Variants in ARL15 observed in about 807,000 individuals in gnomAD.
The protein encoded by ARL15 is ADP-ribosylation factor-like protein 15.
In ARL15, 19 loss-of-function variants were observed where a neutral mutation model predicts 25.2. That is an observed-to-expected ratio of 0.75 (90% CI 0.53 to 1.10). ARL15 has a LOEUF of 1.10. ARL15 is among the 50% of genes least tolerant of loss of function. The probability of loss-of-function intolerance (pLI) is 0.00; values close to 1 mark genes in which losing one functional copy is unlikely to be tolerated. For missense variants in ARL15, 220 were observed against 246.0 expected (o/e 0.89, Z 0.71); for synonymous variants, 94 against 86.8 (o/e 1.08, Z -0.46).
chr5:53,971,562 A>C (rs1161537068), intron 4 of ARL15, among the ~76,000 whole-genome samples: 2 of 152,142 alleles, frequency 1.3e-5, no homozygotes, highest in African/African-American at 4.8e-5. Flanking sequence ...ATTTACACAC[A>C]GCTATTTCTT....
At chr5:54,086,845 T>C (rs1234749427) in intron 4 of ARL15, among the ~76,000 whole-genome samples, 1 of 152,206 alleles carries the variant, frequency 6.6e-6, no homozygotes, top group Non-Finnish European at 1.5e-5. Flanking sequence ...CTCTAGGCGG[T>C]TGACTTAATG....
chr5:53,894,162 T>C (rs113052100), intron 4 of ARL15, among the ~76,000 whole-genome samples: 4 of 152,234 alleles, frequency 2.6e-5, no homozygotes, highest in African/African-American at 9.6e-5. Context: ...ATAGTTCTCA[T>C]AAGATGCTTC....
chr5:54,097,527 T>C (rs1271054526), intron 4 of ARL15, among the ~76,000 whole-genome samples: 2 of 152,212 alleles, frequency 1.3e-5, no homozygotes, highest in Non-Finnish European at 1.5e-5. Flanking sequence ...GGTAGTCAAA[T>C]ACAAGCATAA....
intron 3 of ARL15, among the ~76,000 whole-genome samples, chr5:54,123,190 A>T (rs1753142304): frequency 6.6e-6 from 1 of 151,332 alleles, no homozygotes; most frequent in Non-Finnish European, 1.5e-5. Flanking sequence ...GCTCACTGCA[A>T]CCTCTGCCTC....
At chr5:53,977,811 G>A (rs1747989300) in intron 4 of ARL15, among the ~76,000 whole-genome samples, 1 of 152,122 alleles carries the variant, frequency 6.6e-6, no homozygotes, top group Non-Finnish European at 1.5e-5. Flanking sequence ...TGCTTCCACT[G>A]GTACCCTGTA....
intron 3 of ARL15, among the ~76,000 whole-genome samples, chr5:54,143,913 G>C (rs554123480): frequency 6.6e-6 from 1 of 151,676 alleles, no homozygotes; most frequent in African/African-American, 2.4e-5. Flanking sequence ...ATTCTTAATT[G>C]CCTTTAAGAC....
chr5:53,981,227 A>C (rs1228674166), intron 4 of ARL15, among the ~76,000 whole-genome samples: 1 of 152,246 alleles, frequency 6.6e-6, no homozygotes, highest in Non-Finnish European at 1.5e-5. Context: ...ATTTTTAAAC[A>C]GGGTAGTGAA....
chr5:53,888,659 T>G (rs930767985), intron 4 of ARL15, among the ~76,000 whole-genome samples: 1 of 152,218 alleles, frequency 6.6e-6, no homozygotes, highest in Non-Finnish European at 1.5e-5. Context: ...TGAAAACTAT[T>G]GACATCCAAG....
chr5:54,298,891 T>TG (rs931467218), intron 1 of ARL15, among the ~76,000 whole-genome samples: 18 of 59,466 alleles, frequency 3.0e-4, no homozygotes, highest in South Asian at 7.2e-4. Context: ...GTTGGTTTTT[T>TG]GGTTTTTTTT....
chr5:54,251,282 CAAAG>C (rs1332165204), intron 1 of ARL15, among the ~76,000 whole-genome samples: 1 of 152,110 alleles, frequency 6.6e-6, no homozygotes, highest in Non-Finnish European at 1.5e-5. Flanking sequence ...AACTTTAGTG[CAAAG>C]AAAGAGATAC....
At chr5:54,221,825 GCACA>G (rs3035310) in intron 1 of ARL15, among the ~76,000 whole-genome samples, 10,007 of 141,874 alleles carry the variant, frequency 0.071, 399 homozygotes, top group East Asian at 0.1. Context: ...CAAGAAACAT[GCACA>G]CACACACACA....
chr5:54,109,689 A>G (rs1752688072), intron 4 of ARL15, among the ~76,000 whole-genome samples: 1 of 151,994 alleles, frequency 6.6e-6, no homozygotes, highest in Non-Finnish European at 1.5e-5. Flanking sequence ...TTTACCCTTA[A>G]GATTTCTCTC....
chr5:53,966,001 C>T (rs1747548510), intron 4 of ARL15, among the ~76,000 whole-genome samples: 1 of 152,110 alleles, frequency 6.6e-6, no homozygotes, highest in Middle Eastern at 3.2e-3. Flanking sequence ...ATCCCCATTT[C>T]CTGACATACA....
intron 4 of ARL15, among the ~76,000 whole-genome samples, chr5:54,028,137 G>T (rs1465660714): frequency 9.9e-5 from 15 of 152,096 alleles, no homozygotes; most frequent in Non-Finnish European, 2.2e-4. Context: ...TAGCCAGGAT[G>T]GTCTTGATCT....
At chr5:54,241,362 C>T (rs1464365490) in intron 1 of ARL15, among the ~76,000 whole-genome samples, 3 of 151,622 alleles carry the variant, frequency 2.0e-5, no homozygotes, top group Admixed American at 6.6e-5. Context: ...CCCTGTATGT[C>T]ATTATTATTC....
At chr5:54,086,948 T>C (rs2112129367) in intron 4 of ARL15, among the ~76,000 whole-genome samples, 1 of 152,350 alleles carries the variant, frequency 6.6e-6, no homozygotes, top group African/African-American at 2.4e-5. Context: ...TATGGCTAAA[T>C]AATTTTCATG....
intron 4 of ARL15, among the ~76,000 whole-genome samples, chr5:54,099,749 T>C (rs1752382351): frequency 6.6e-6 from 1 of 152,152 alleles, no homozygotes; most frequent in Admixed American, 6.5e-5. Flanking sequence ...CTGTTAATAA[T>C]GAGTAAGACT....
chr5:54,308,163 A>T (rs1267914630), intron 1 of ARL15, among the ~76,000 whole-genome samples: 1 of 152,190 alleles, frequency 6.6e-6, no homozygotes, highest in African/African-American at 2.4e-5. Context: ...GAACACAAAA[A>T]GGCTACCTCG....
chr5:54,092,073 C>CACACACACACACA (rs143647206), intron 4 of ARL15, among the ~76,000 whole-genome samples: 2,857 of 149,662 alleles, frequency 0.019, 94 homozygotes, highest in African/African-American at 0.067. Context: ...CACACACACA[C>CACACACACACACA]CACCACCACC....
Sources: gnomAD v4.1 joint callset for allele counts (sites outside exome capture counted in the v4.1 genomes callset) on GRCh38, gnomAD v4.1.1 for gene constraint, MANE v1.5 for transcripts, NCBI Gene and HGNC (gene_info 2026-07-23, HGNC 2026-07-21) for gene names.